The following VAV1 variants were observed in gnomAD, a reference collection of about 807,000 sequenced individuals.
The protein encoded by VAV1 is vav guanine nucleotide exchange factor 1.
VAV1 carries 33 observed loss-of-function variants against 128.1 expected under a neutral mutation model. The observed-to-expected ratio is 0.26, with a 90% CI of 0.20 to 0.34. VAV1 has a LOEUF of 0.34. VAV1 is among the 10% of genes least tolerant of loss of function. The pLI, the probability that VAV1 is intolerant of heterozygous loss-of-function variation, is 1.00. For missense variants in VAV1, 715 were observed against 1,093.7 expected, an observed-to-expected ratio of 0.65 and a Z score of 4.88; for synonymous variants, 394 against 409.8, an observed-to-expected ratio of 0.96 and a Z score of 0.47.
rs1971804847 is a variant in VAV1 at position 6,822,121 on chromosome 19, C to T, written c.450-100C>T. 3 of 1,256,176 alleles carry T rather than the reference C, an allele frequency of 2.4e-6. No individual in the cohort carries two copies. Among genetic ancestry groups the T allele is most frequent in the Non-Finnish European group, 3.4e-6 (3 of 890,304 alleles). The allele number at this position is 1,256,176 out of a possible 1,614,324, so 77.8% of individuals were successfully genotyped here. On this transcript the variant is annotated intron_variant, in intron 4 of 26. Transcript: ENST00000602142. This position sits in a 1 kb window ranked among gnomAD's most constrained non-coding sequence, Gnocchi z 5.9. The stretch of plus-strand genomic sequence containing the variant: ...CTGCCCTTGGAGTCTGAGGTCCCAC[C>T]CTTGGAGTCTTGGGGGGACAAAGCC...
At position 6,777,740 on chromosome 19, in the gene VAV1, G is replaced by A. The variant is rs575942145; in HGVS notation, c.204+4729G>A. Among the ~76,000 whole-genome samples, 16 of 152,190 alleles carry A rather than the reference G, an allele frequency of 1.1e-4. No individual in the cohort carries two copies. Among genetic ancestry groups the A allele is most frequent in the Admixed American group, 9.8e-4 (15 of 15,274 alleles). On this transcript the variant is annotated intron_variant, in intron 1 of 26. Transcript: ENST00000602142. The surrounding 1 kb of genome is among the most constrained non-coding windows in gnomAD (Gnocchi z 4.4). ...GGTCCCCTTGAGATCTGAGGCCCAG[G>A]GAGAGAATGATACCATCATGAGAAG...
intron 14 of VAV1, among the ~76,000 whole-genome samples, 153 bp from the exon 15 acceptor site, chr19:6,831,938 G>C (rs534018388): frequency 6.1e-5 from 9 of 148,364 alleles, no homozygotes; most frequent in African/African-American, 2.2e-4. Context: ...GGATATCCTA[G>C]AAAGCCCTTT....
At chr19:6,779,322 G>C (rs1970714525) in intron 1 of VAV1, among the ~76,000 whole-genome samples, 1 of 150,452 alleles carries the variant, frequency 6.6e-6, no homozygotes, top group Non-Finnish European at 1.5e-5. Context: ...CAAAGTGCTG[G>C]GATTACAGGC....
intron 1 of VAV1, among the ~76,000 whole-genome samples, chr19:6,785,419 C>T (rs1970866193): frequency 6.6e-6 from 1 of 152,036 alleles, no homozygotes; most frequent in Non-Finnish European, 1.5e-5. Flanking sequence ...GCAACCTCTG[C>T]CTCTTGGATT....
chr19:6,850,632 G>A, intron 23 of VAV1, 38 bp from the exon 24 acceptor site: 1 of 1,603,112 alleles, frequency 6.2e-7, no homozygotes, highest in East Asian at 2.2e-5. Flanking sequence ...AATGGGCCTG[G>A]TCCCCAGACT....
intron 19 of VAV1, among the ~76,000 whole-genome samples, chr19:6,834,436 G>T (rs1172548808): frequency 2.6e-5 from 4 of 151,406 alleles, no homozygotes; most frequent in African/African-American, 9.7e-5. Context: ...TAAAGACGGG[G>T]TTTCACCATG....
At chr19:6,831,257 T>C (rs956119501) in intron 14 of VAV1, among the ~76,000 whole-genome samples, 1 of 152,160 alleles carries the variant, frequency 6.6e-6, no homozygotes, top group Non-Finnish European at 1.5e-5. Context: ...TCCTGTGAAC[T>C]CTTCCGTTCG....
chr19:6,805,336 C>G (rs1163728669), intron 1 of VAV1, among the ~76,000 whole-genome samples: 1 of 151,634 alleles, frequency 6.6e-6, no homozygotes, highest in Non-Finnish European at 1.5e-5. Context: ...GAGGCAGGAG[C>G]ATCGCTTGAA....
intron 21 of VAV1, among the ~76,000 whole-genome samples, chr19:6,841,984 G>C (rs1194479203): frequency 6.6e-6 from 1 of 152,014 alleles, no homozygotes; most frequent in Admixed American, 6.6e-5. Flanking sequence ...CCAACACTTT[G>C]GGAGGCCGAG....
intron 19 of VAV1, among the ~76,000 whole-genome samples, chr19:6,835,488 A>G (rs999029389): frequency 2.6e-5 from 4 of 152,170 alleles, no homozygotes; most frequent in Non-Finnish European, 5.9e-5. Context: ...AGTTGCTACC[A>G]TATTGGACAT....
chr19:6,852,840 C>T, intron 24 of VAV1, 125 bp from the exon 25 acceptor site: 2 of 659,912 alleles, frequency 3.0e-6, no homozygotes, highest in Non-Finnish European at 5.2e-6. Flanking sequence ...TTCAAGGGGT[C>T]ACTTTCCAAA....
At chr19:6,842,783 A>G (rs1972411373) in intron 21 of VAV1, among the ~76,000 whole-genome samples, 1 of 152,112 alleles carries the variant, frequency 6.6e-6, no homozygotes, top group South Asian at 2.1e-4. Context: ...GCAGTGAGCT[A>G]TGATCATACT....
chr19:6,840,252 A>G (rs911807205), intron 21 of VAV1, among the ~76,000 whole-genome samples: 1 of 151,412 alleles, frequency 6.6e-6, no homozygotes, highest in Non-Finnish European at 1.5e-5. Flanking sequence ...TTCACTTGGC[A>G]TAATGTATTC....
At chr19:6,829,648 A>T (rs566417859) in intron 13 of VAV1, 138 bp from the exon 14 acceptor site, 3 of 1,283,006 alleles carry the variant, frequency 2.3e-6, no homozygotes, top group Non-Finnish European at 3.3e-6. Context: ...TGAAGTCAGG[A>T]TGGACAGGTG....
intron 1 of VAV1, among the ~76,000 whole-genome samples, chr19:6,806,173 G>A (rs10416936): frequency 0.011 from 1,645 of 152,110 alleles, 35 homozygotes; most frequent in African/African-American, 0.036. Flanking sequence ...TGCAACCTCC[G>A]CCACCCGGGT....
intron 24 of VAV1, among the ~76,000 whole-genome samples, chr19:6,851,527 C>G (rs1156759931): frequency 2.0e-5 from 3 of 152,104 alleles, no homozygotes; most frequent in Non-Finnish European, 4.4e-5. Flanking sequence ...CCTCAACCTT[C>G]TTTCTGAGTT....
chr19:6,820,212 GGGAGGTGGAGGCA>G lies in VAV1; in HGVS notation c.205-484_205-472del, dbSNP rs1303034491. ...CACATGACTGAAGTCCTAGCTACCTGGGAGGTGGAGGCAGGAGGCATGGTTTTTTGTTTGTTTG... is the reference window on the plus strand; with the variant it reads ...CACATGACTGAAGTCCTAGCTACCTGGGAGGCATGGTTTTTTGTTTGTTTG... On this transcript the variant is annotated intron_variant, in intron 1 of 26. Transcript: ENST00000602142. This position sits in a 1 kb window ranked among gnomAD's most constrained non-coding sequence, Gnocchi z 4.4. 6.6e-6 allele frequency among the ~76,000 whole-genome samples: 1 copy of G among 152,112 alleles called. No individual in the cohort carries two copies. Among genetic ancestry groups the G allele is most frequent in the Non-Finnish European group, 1.5e-5 (1 of 68,024 alleles).
At chr19:6,854,143 G>A in intron 26 of VAV1, 45 bp downstream of exon 26, 1 of 1,602,368 alleles carries the variant, frequency 6.2e-7, no homozygotes, top group African/African-American at 1.3e-5. Flanking sequence ...TGGGGGTTGA[G>A]CTGGTGGTGG....
At chr19:6,801,863 G>A (rs921714531) in intron 1 of VAV1, among the ~76,000 whole-genome samples, 3 of 152,102 alleles carry the variant, frequency 2.0e-5, no homozygotes, top group African/African-American at 7.2e-5. Flanking sequence ...TTTGTTGATG[G>A]GAGGCTGGCT....
Sources: gnomAD v4.1 joint callset for allele counts (sites outside exome capture counted in the v4.1 genomes callset) on GRCh38, gnomAD v4.1.1 for gene constraint, Gnocchi (gnomAD v3.1) non-coding constraint, MANE v1.5 for transcripts, NCBI Gene and HGNC (gene_info 2026-07-23, HGNC 2026-07-21) for gene names.